The following GABRB2 variants were observed in gnomAD, a reference collection of about 807,000 sequenced individuals.
GABRB2 encodes the protein gamma-aminobutyric acid type A receptor subunit beta2.
GABRB2 carries 16 observed loss-of-function variants against 54.7 expected under a neutral mutation model. That is an observed-to-expected ratio of 0.29 (90% confidence interval 0.20 to 0.44). GABRB2 has a LOEUF of 0.44. Among genes scored for constraint, GABRB2 ranks in the 20% least tolerant of loss-of-function variants. The probability of loss-of-function intolerance (pLI) is 1.00; values close to 1 mark genes in which losing one functional copy is unlikely to be tolerated. For missense variants in GABRB2, 355 were observed against 644.0 expected, an observed-to-expected ratio of 0.55 and a Z score of 4.86; for synonymous variants, 244 against 233.8, an observed-to-expected ratio of 1.04 and a Z score of -0.40.
At chr5:161,339,010 G>C (rs1754075994) in intron 5 of GABRB2, among the ~76,000 whole-genome samples, 2 of 152,018 alleles carry the variant, frequency 1.3e-5, no homozygotes, top group Non-Finnish European at 2.9e-5. Flanking sequence ...AAAATACTCA[G>C]TCTGAGGCTC....
chr5:161,360,500 C>A (rs1754778987), intron 5 of GABRB2, among the ~76,000 whole-genome samples: 1 of 152,164 alleles, frequency 6.6e-6, no homozygotes, highest in African/African-American at 2.4e-5. Flanking sequence ...CTCTCTTCAA[C>A]AGTCAACACT....
rs546811932 is a variant in GABRB2, at chr5:161,391,944, G to T, written c.541+19031C>A. On this transcript the variant is annotated intron_variant, in intron 5 of 9. Transcript: ENST00000393959. ...AGCATTTCCTAGCCCTGTAACCTAT[G>T]CTAAGCCTTCTGCTGTCTGTGCAGC... 3.9e-5 allele frequency among the ~76,000 whole-genome samples: 6 copies of T among 152,296 alleles called. No individual in the cohort carries two copies. The East Asian group carries it at 1.2e-3, about 29-fold the overall frequency.
intron 5 of GABRB2, among the ~76,000 whole-genome samples, chr5:161,405,694 A>G (rs1424232306): frequency 6.6e-6 from 1 of 151,964 alleles, no homozygotes; most frequent in East Asian, 1.9e-4. Flanking sequence ...TGCACTTTTC[A>G]TTTTTTTAAG....
chr5:161,472,262 C>T (rs1204110785), intron 3 of GABRB2, among the ~76,000 whole-genome samples: 1 of 151,690 alleles, frequency 6.6e-6, no homozygotes, highest in Non-Finnish European at 1.5e-5. Context: ...TAAGACCTGC[C>T]TGGTTTGGTT....
chr5:161,499,787 G>A (rs1759371968), intron 3 of GABRB2, among the ~76,000 whole-genome samples: 1 of 152,178 alleles, frequency 6.6e-6, no homozygotes, highest in Non-Finnish European at 1.5e-5. Flanking sequence ...TAAGGCAGTG[G>A]TGGCAGGGGG....
At chr5:161,300,506 G>A (rs1369094304) in intron 9 of GABRB2, among the ~76,000 whole-genome samples, 1 of 152,066 alleles carries the variant, frequency 6.6e-6, no homozygotes, top group Non-Finnish European at 1.5e-5. Context: ...AACAATTCTG[G>A]GTTGTTGATG....
chr5:161,540,429 C>G (rs1760776028), intron 3 of GABRB2, among the ~76,000 whole-genome samples: 1 of 152,212 alleles, frequency 6.6e-6, no homozygotes, highest in Non-Finnish European at 1.5e-5. Flanking sequence ...CAGTGACTTC[C>G]TCCACTCAGG....
At chr5:161,420,432 T>C (rs553428942) in intron 4 of GABRB2, among the ~76,000 whole-genome samples, 2 of 152,330 alleles carry the variant, frequency 1.3e-5, no homozygotes, top group East Asian at 3.9e-4. Flanking sequence ...CACCAAGTTG[T>C]GTATCCCTAA....
intron 4 of GABRB2, among the ~76,000 whole-genome samples, chr5:161,438,623 T>C (rs190921811): frequency 1.2e-4 from 18 of 152,228 alleles, no homozygotes; most frequent in Non-Finnish European, 2.1e-4. Context: ...AAAATAGCTG[T>C]GTTGAGGAAA....
At chr5:161,508,931 T>C (rs1561676334) in intron 3 of GABRB2, among the ~76,000 whole-genome samples, 1 of 151,968 alleles carries the variant, frequency 6.6e-6, no homozygotes, top group African/African-American at 2.4e-5. Context: ...ATAAGTAAGG[T>C]AGAATAATTA....
intron 3 of GABRB2, among the ~76,000 whole-genome samples, chr5:161,506,521 T>A (rs1405274836): frequency 6.6e-6 from 1 of 152,124 alleles, no homozygotes; most frequent in African/African-American, 2.4e-5. Flanking sequence ...TTCCACACAT[T>A]GTTGTTTTTG....
intron 5 of GABRB2, among the ~76,000 whole-genome samples, chr5:161,348,238 TA>T (rs2113429103): frequency 6.6e-6 from 1 of 152,158 alleles, no homozygotes; most frequent in East Asian, 1.9e-4. Flanking sequence ...AACATAAATT[TA>T]AAAATATCAT....
rs567348037 is a variant in GABRB2 at position 161,396,050 on chromosome 5, T to C, written c.541+14925A>G. Reference sequence around the variant, plus strand: ...GAAAAAAGAGAAAAACTTACTTTCTTTGAGTGGAAATTTTAAATGATTGTC... The same window carrying C: ...GAAAAAAGAGAAAAACTTACTTTCTCTGAGTGGAAATTTTAAATGATTGTC... On this transcript the variant is annotated intron_variant, in intron 5 of 9. Coordinates refer to ENST00000393959, the MANE Select transcript of GABRB2 (RefSeq NM_001371727.1). Among the ~76,000 whole-genome samples, 113 of 152,284 alleles carry C rather than the reference T, an allele frequency of 7.4e-4. 1 individual carries two copies. In the South Asian group the frequency reaches 0.02, roughly 27 times the overall value.
chr5:161,301,608 G>A (rs1425525209), intron 9 of GABRB2, among the ~76,000 whole-genome samples: 1 of 152,148 alleles, frequency 6.6e-6, no homozygotes, highest in African/African-American at 2.4e-5. Context: ...ACAAGAGGGA[G>A]GAAGAAGCAA....
At chr5:161,432,315 AT>A (rs1195174766) in intron 4 of GABRB2, among the ~76,000 whole-genome samples, 3 of 152,182 alleles carry the variant, frequency 2.0e-5, no homozygotes, top group Non-Finnish European at 2.9e-5. Flanking sequence ...AATTAGTCTG[AT>A]TCTTGCTTTT....
intron 4 of GABRB2, among the ~76,000 whole-genome samples, chr5:161,453,541 G>C (rs962904940): frequency 6.6e-6 from 1 of 152,156 alleles, no homozygotes; most frequent in Non-Finnish European, 1.5e-5. Flanking sequence ...GCCCTCATCA[G>C]ACACCATATC....
chr5:161,474,359 C>T (rs1758533445), intron 3 of GABRB2, among the ~76,000 whole-genome samples: 2 of 151,946 alleles, frequency 1.3e-5, no homozygotes, highest in Non-Finnish European at 2.9e-5. Context: ...ATTACAAAAT[C>T]CTAAATGGGT....
intron 3 of GABRB2, among the ~76,000 whole-genome samples, chr5:161,524,313 G>A (rs1760206149): frequency 6.6e-6 from 1 of 150,792 alleles, no homozygotes; most frequent in South Asian, 2.1e-4. Context: ...TTTTATAGTA[G>A]AAATGTGACA....
chr5:161,464,297 TA>T (rs1163643662), intron 3 of GABRB2, among the ~76,000 whole-genome samples: 2 of 152,114 alleles, frequency 1.3e-5, no homozygotes, highest in African/African-American at 4.8e-5. Context: ...AACAGACACT[TA>T]ACCAAAGATA....
Sources: allele counts gnomAD v4.1 joint callset (sites outside exome capture counted in the v4.1 genomes callset), GRCh38; gene constraint gnomAD v4.1.1; transcripts MANE v1.5; gene names NCBI Gene and HGNC (gene_info 2026-07-23, HGNC 2026-07-21).